MCTP1: variants seen among roughly 807,000 people sequenced by gnomAD.
MCTP1 encodes multiple C2 and transmembrane domain-containing protein 1.
Under a neutral mutation model 120.6 loss-of-function variants are expected in MCTP1, and 69 were observed. That is an observed-to-expected ratio of 0.57 (90% CI 0.47 to 0.70). MCTP1 has a LOEUF of 0.70. MCTP1 is among the 30% of genes least tolerant of loss of function. The probability of loss-of-function intolerance (pLI) is 0.00; values close to 1 mark genes in which losing one functional copy is unlikely to be tolerated. For synonymous variants in MCTP1, 529 were observed against 493.1 expected, an observed-to-expected ratio of 1.07 and a Z score of -0.96; for missense variants, 1,203 against 1,248.8, an observed-to-expected ratio of 0.96 and a Z score of 0.55.
At position 95,220,312 on chromosome 5, in the gene MCTP1, C is replaced by T. The variant is rs371426737; in HGVS notation, c.720+63544G>A. 3.5e-4 allele frequency among the ~76,000 whole-genome samples: 53 copies of T among 150,802 alleles called. 1 individual carries two copies. In the South Asian group the frequency reaches 7.3e-3, roughly 21 times the overall value. On this transcript the variant is annotated intron_variant, in intron 1 of 22. Coordinates refer to ENST00000515393, the MANE Select transcript of MCTP1 (RefSeq NM_024717.7). The stretch of plus-strand genomic sequence containing the variant: ...TAAAATCTGTACATTAAGTCATCAA[C>T]CTGGATCCTCATTTTCTTCTTCCTT...
At chr5:95,271,883 C>T (rs1759434851) in intron 1 of MCTP1, among the ~76,000 whole-genome samples, 1 of 152,078 alleles carries the variant, frequency 6.6e-6, no homozygotes, top group Admixed American at 6.5e-5. Flanking sequence ...TAGTGGTTTA[C>T]TAACCACAAA....
chr5:94,965,523 G>GC (rs1456665526), intron 2 of MCTP1, among the ~76,000 whole-genome samples: 4 of 107,606 alleles, frequency 3.7e-5, no homozygotes, highest in Non-Finnish European at 6.0e-5. Context: ...TGTGTGGATG[G>GC]TTTTTTTTAT....
chr5:94,848,477 G>A (rs938456114), intron 17 of MCTP1, among the ~76,000 whole-genome samples: 5 of 151,726 alleles, frequency 3.3e-5, no homozygotes, highest in African/African-American at 1.2e-4. Context: ...AATAACTACT[G>A]ATCCATGGAA....
intron 19 of MCTP1, among the ~76,000 whole-genome samples, chr5:94,761,939 T>C (rs1422617570): frequency 6.6e-6 from 1 of 152,168 alleles, no homozygotes; most frequent in Non-Finnish European, 1.5e-5. Flanking sequence ...CAAGCTGCCA[T>C]GGTATGAGAA....
At chr5:94,873,525 T>A (rs1798214200) in intron 12 of MCTP1, among the ~76,000 whole-genome samples, 1 of 151,998 alleles carries the variant, frequency 6.6e-6, no homozygotes, top group Admixed American at 6.6e-5. Context: ...GCAAAAATAA[T>A]TCTATAACCG....
At chr5:94,755,725 T>A (rs1459743319) in intron 19 of MCTP1, among the ~76,000 whole-genome samples, 1 of 152,198 alleles carries the variant, frequency 6.6e-6, no homozygotes, top group Non-Finnish European at 1.5e-5. Context: ...CCCGTTGCCC[T>A]TTAAATAGAT....
chr5:94,769,759 A>G (rs1439223362), intron 19 of MCTP1, among the ~76,000 whole-genome samples: 1 of 152,170 alleles, frequency 6.6e-6, no homozygotes, highest in Non-Finnish European at 1.5e-5. Context: ...ATTTGCCCCA[A>G]GAAAAAAAGA....
At chr5:95,196,828 G>A (rs1474766827) in intron 1 of MCTP1, among the ~76,000 whole-genome samples, 2 of 152,112 alleles carry the variant, frequency 1.3e-5, no homozygotes, top group African/African-American at 4.8e-5. Context: ...CACCTATAAG[G>A]AAGATTTTAG....
intron 1 of MCTP1, among the ~76,000 whole-genome samples, chr5:95,084,356 C>T (rs1347378150): frequency 6.6e-6 from 1 of 152,070 alleles, no homozygotes; most frequent in African/African-American, 2.4e-5. Context: ...ATGCTCTTTT[C>T]TGTCCCACTC....
At chr5:95,170,448 T>A (rs969873763) in intron 1 of MCTP1, among the ~76,000 whole-genome samples, 1 of 152,236 alleles carries the variant, frequency 6.6e-6, no homozygotes, top group Admixed American at 6.5e-5. Flanking sequence ...AGAGCTGAGT[T>A]CAATTCCTGA....
rs148102101 is a variant in MCTP1 at position 94,752,548 on chromosome 5, GA to G, written c.2610+26561del. On this transcript the variant is annotated intron_variant, in intron 19 of 22. Transcript: ENST00000515393. ...AACAATTCCTAGGTTCCACCTTATTGAATCAGAATCTCTTGAAGTGGGGCTA... is the reference window on the plus strand; with the variant it reads ...AACAATTCCTAGGTTCCACCTTATTGATCAGAATCTCTTGAAGTGGGGCTA... 6.2e-3 allele frequency among the ~76,000 whole-genome samples: 943 copies of G among 152,220 alleles called. 9 individuals are homozygous for G. Among genetic ancestry groups the G allele is most frequent in the African/African-American group, 0.021 (859 of 41,524 alleles).
chr5:94,732,971 T>C (rs1763417655), intron 19 of MCTP1, among the ~76,000 whole-genome samples: 1 of 152,132 alleles, frequency 6.6e-6, no homozygotes, highest in Admixed American at 6.6e-5. Context: ...TTTTTATATA[T>C]TAAAATTTTA....
chr5:94,992,073 T>A (rs1467565009), intron 2 of MCTP1, among the ~76,000 whole-genome samples: 1 of 152,128 alleles, frequency 6.6e-6, no homozygotes, highest in Admixed American at 6.6e-5. Flanking sequence ...CAGCAGTCAC[T>A]TGGTAGGACA....
intron 5 of MCTP1, among the ~76,000 whole-genome samples, chr5:94,937,098 G>A (rs1222109156): frequency 6.6e-6 from 1 of 152,092 alleles, no homozygotes. Context: ...CTTGATCACT[G>A]TGCCTTTTCT....
intron 9 of MCTP1, among the ~76,000 whole-genome samples, chr5:94,911,851 C>T (rs1279944155): frequency 6.6e-6 from 1 of 152,120 alleles, no homozygotes; most frequent in Non-Finnish European, 1.5e-5. Flanking sequence ...ACTGTTGTTA[C>T]TCTTCCTCTT....
chr5:94,851,768 A>T (rs1793779798), intron 17 of MCTP1, among the ~76,000 whole-genome samples: 2 of 152,008 alleles, frequency 1.3e-5, no homozygotes, highest in Non-Finnish European at 2.9e-5. Flanking sequence ...ATTTATAGAC[A>T]ACTGTACATT....
chr5:94,963,924 T>C (rs1169707893), intron 2 of MCTP1, among the ~76,000 whole-genome samples: 1 of 152,198 alleles, frequency 6.6e-6, no homozygotes, highest in Non-Finnish European at 1.5e-5. Flanking sequence ...CTATCTTTCC[T>C]TCCGGTAGTT....
chr5:94,806,002 G>A (rs1019181894), intron 17 of MCTP1, among the ~76,000 whole-genome samples: 14 of 151,206 alleles, frequency 9.3e-5, no homozygotes, highest in Middle Eastern at 3.4e-3. Context: ...CTACTCTTGC[G>A]TCAGTACAAA....
In MCTP1 at chr5:94,704,855, T is replaced by C. The variant is rs1296842304; in HGVS notation, c.*2641A>G. Reference sequence around the variant, plus strand: ...ACATTCTATATGCACTAGGATAATCTGAGTTGGGAGATTCAATCAATCAAT... The same window carrying C: ...ACATTCTATATGCACTAGGATAATCCGAGTTGGGAGATTCAATCAATCAAT... On this transcript the variant is annotated 3_prime_UTR_variant, in exon 23 of 23. Coordinates refer to ENST00000515393, the MANE Select transcript of MCTP1 (RefSeq NM_024717.7). The C allele has an allele frequency of 6.6e-6, 1 of 151,074 alleles. No homozygotes were observed. Among genetic ancestry groups the C allele is most frequent in the Admixed American group, 6.6e-5 (1 of 15,168 alleles). The allele number at this position is 151,074 out of a possible 1,614,324, so 9.4% of individuals were successfully genotyped here.
Sources: gnomAD v4.1 joint callset for allele counts (sites outside exome capture counted in the v4.1 genomes callset) on GRCh38, gnomAD v4.1.1 for gene constraint, MANE v1.5 for transcripts, NCBI Gene and HGNC (gene_info 2026-07-23, HGNC 2026-07-21) for gene names.